Variants in MAF observed in about 807,000 individuals in gnomAD.
MAF encodes transcription factor Maf.
In MAF, 10 loss-of-function variants were observed where a neutral mutation model predicts 22.0. That is an observed-to-expected ratio of 0.45 (90% CI 0.28 to 0.77). MAF has a LOEUF of 0.77. MAF is among the 30% of genes least tolerant of loss of function. The probability of loss-of-function intolerance (pLI) is 0.12; values close to 1 mark genes in which losing one functional copy is unlikely to be tolerated. For synonymous variants in MAF, 337 were observed against 255.8 expected (o/e 1.32, Z -3.03); for missense variants, 544 against 548.4 (o/e 0.99, Z 0.08).
chr16:79,539,819 G>A, the MAF span, among the ~76,000 whole-genome samples: 28 of 152,298 alleles, frequency 1.8e-4, no homozygotes, highest in African/African-American at 6.3e-4. Context: ...TCACAATCAT[G>A]TCAGACACTC....
the MAF span, among the ~76,000 whole-genome samples, chr16:79,463,877 T>C: frequency 6.6e-6 from 1 of 151,914 alleles, no homozygotes; most frequent in East Asian, 1.9e-4. Flanking sequence ...TGGTGTTCTT[T>C]GATGCACCAT....
chr16:79,327,549 G>C, the MAF span, among the ~76,000 whole-genome samples: 6 of 152,240 alleles, frequency 3.9e-5, no homozygotes, highest in South Asian at 1.2e-3. Flanking sequence ...GCTAGCTTTT[G>C]GAAAAACTTG....
At chr16:79,483,472 G>A in the MAF span, among the ~76,000 whole-genome samples, 2 of 151,076 alleles carry the variant, frequency 1.3e-5, no homozygotes, top group Non-Finnish European at 2.9e-5. Flanking sequence ...GCATGGAGTG[G>A]ACAGGCCCGG....
the MAF span, among the ~76,000 whole-genome samples, chr16:79,276,299 A>G: frequency 1.0e-3 from 158 of 152,250 alleles, no homozygotes; most frequent in African/African-American, 3.8e-3. Context: ...TGGTCTAAAT[A>G]AATGTTTGCA....
chr16:79,289,260 G>A, the MAF span, among the ~76,000 whole-genome samples: 1 of 152,152 alleles, frequency 6.6e-6, no homozygotes, highest in Non-Finnish European at 1.5e-5. Context: ...GCCCACAAAG[G>A]AGGTGATGGA....
chr16:79,227,160 T>C, the MAF span, among the ~76,000 whole-genome samples: 1 of 151,928 alleles, frequency 6.6e-6, no homozygotes, highest in East Asian at 1.9e-4. Context: ...CTCAACCCCA[T>C]CTCTACAAAA....
chr16:79,416,309 T>C, the MAF span, among the ~76,000 whole-genome samples: 12 of 152,260 alleles, frequency 7.9e-5, no homozygotes, highest in Middle Eastern at 3.4e-3. Flanking sequence ...CATTTAGCCA[T>C]GAGTTATTGG....
chr16:79,467,080 C>A, the MAF span, among the ~76,000 whole-genome samples: 1 of 152,174 alleles, frequency 6.6e-6, no homozygotes, highest in Non-Finnish European at 1.5e-5. Context: ...CTTGTTGTCA[C>A]CCCTGTTTAA....
the MAF span, among the ~76,000 whole-genome samples, chr16:79,228,224 A>G: frequency 7.9e-5 from 12 of 152,098 alleles, no homozygotes; most frequent in Non-Finnish European, 1.5e-4. Context: ...TTTGAACTTT[A>G]AAGTTATTTC....
At chr16:79,569,076 G>T in the MAF span, among the ~76,000 whole-genome samples, 1 of 152,142 alleles carries the variant, frequency 6.6e-6, no homozygotes, top group Non-Finnish European at 1.5e-5. Flanking sequence ...TTCATTCGTA[G>T]CAACAATCTA....
the MAF span, among the ~76,000 whole-genome samples, chr16:79,463,734 T>TA: frequency 6.6e-6 from 1 of 152,132 alleles, no homozygotes; most frequent in African/African-American, 2.4e-5. Context: ...AGCCACTTTT[T>TA]AAAAATCTCT....
chr16:79,399,094 G>A, the MAF span, among the ~76,000 whole-genome samples: 1 of 152,188 alleles, frequency 6.6e-6, no homozygotes, highest in African/African-American at 2.4e-5. Flanking sequence ...AAATCCCTGT[G>A]ACGTTGAGAG....
chr16:79,515,787 G>A, the MAF span, among the ~76,000 whole-genome samples: 1 of 152,048 alleles, frequency 6.6e-6, no homozygotes, highest in Non-Finnish European at 1.5e-5. Context: ...CTCCAGGAAG[G>A]AGGTCTGAGA....
the MAF span, among the ~76,000 whole-genome samples, chr16:79,435,318 C>A: frequency 6.6e-6 from 1 of 152,144 alleles, no homozygotes; most frequent in Non-Finnish European, 1.5e-5. Flanking sequence ...TACACAGATT[C>A]TTCTTTGAAA....
chr16:79,541,001 A>G, the MAF span, among the ~76,000 whole-genome samples: 1 of 151,754 alleles, frequency 6.6e-6, no homozygotes, highest in Non-Finnish European at 1.5e-5. Flanking sequence ...TACAACTGCT[A>G]TTTTTAGCAC....
the MAF span, among the ~76,000 whole-genome samples, chr16:79,383,884 G>A: frequency 6.6e-6 from 1 of 152,192 alleles, no homozygotes; most frequent in African/African-American, 2.4e-5. Context: ...AGATACATTT[G>A]TCAAGTCCTG....
chr16:79,555,067 C>T, the MAF span, among the ~76,000 whole-genome samples: 4 of 152,170 alleles, frequency 2.6e-5, no homozygotes, highest in African/African-American at 9.7e-5. Flanking sequence ...GATACACTTC[C>T]TCCCTGCTCC....
At chr16:79,500,150 G>T in the MAF span, among the ~76,000 whole-genome samples, 88 of 152,308 alleles carry the variant, frequency 5.8e-4, no homozygotes, top group African/African-American at 1.8e-3. Flanking sequence ...TGGCCTCCAG[G>T]ACTTTGAGAG....
At chr16:79,537,686 G>C in the MAF span, among the ~76,000 whole-genome samples, 1 of 152,194 alleles carries the variant, frequency 6.6e-6, no homozygotes, top group Non-Finnish European at 1.5e-5. Context: ...AAATACTTCA[G>C]ATGCCATGAG....
Sources: gnomAD v4.1 joint callset for allele counts (sites outside exome capture counted in the v4.1 genomes callset) on GRCh38, gnomAD v4.1.1 for gene constraint, MANE v1.5 for transcripts, NCBI Gene and HGNC (gene_info 2026-07-23, HGNC 2026-07-21) for gene names.